MAGI2: variants seen among roughly 807,000 people sequenced by gnomAD.
MAGI2 encodes the protein membrane-associated guanylate kinase, WW and PDZ domain-containing protein 2.
MAGI2 carries 35 observed loss-of-function variants against 133.3 expected under a neutral mutation model. That is an observed-to-expected ratio of 0.26 (90% CI 0.20 to 0.35). The LOEUF (loss-of-function observed/expected upper bound fraction) is 0.35, where lower values mean the gene tolerates loss of function less well. Ranked by LOEUF, MAGI2 falls within the 10% of genes least tolerant of loss-of-function variation. The pLI, the probability that MAGI2 is intolerant of heterozygous loss-of-function variation, is 1.00. For synonymous variants in MAGI2, 729 were observed against 710.6 expected (o/e 1.03, Z -0.41); for missense variants, 1,636 against 1,863.4 (o/e 0.88, Z 2.25).
intron 2 of MAGI2, among the ~76,000 whole-genome samples, chr7:78,747,908 T>G (rs1229058536): frequency 6.6e-6 from 1 of 152,192 alleles, no homozygotes; most frequent in African/African-American, 2.4e-5. Flanking sequence ...GGAAACTACA[T>G]TTTATTACAT....
intron 21 of MAGI2, among the ~76,000 whole-genome samples, chr7:78,059,777 A>ATATTTTTT (rs368179491): frequency 0.017 from 2,529 of 146,060 alleles, 35 homozygotes; most frequent in Non-Finnish European, 0.021. Context: ...ATATATATAT[A>ATATTTTTT]TTTTTTTTCT....
intron 1 of MAGI2, among the ~76,000 whole-genome samples, chr7:79,037,230 TC>T (rs1353210690): frequency 6.6e-6 from 1 of 152,178 alleles, no homozygotes; most frequent in Non-Finnish European, 1.5e-5. Flanking sequence ...GAAAAAATGT[TC>T]CATGGTCAAA....
intron 1 of MAGI2, among the ~76,000 whole-genome samples, chr7:79,108,144 T>C (rs1818598296): frequency 6.6e-6 from 1 of 152,196 alleles, no homozygotes; most frequent in African/African-American, 2.4e-5. Context: ...GTGACCTTGG[T>C]GATTCTACCA....
chr7:79,224,684 T>C (rs1830697985), intron 1 of MAGI2, among the ~76,000 whole-genome samples: 1 of 150,884 alleles, frequency 6.6e-6, no homozygotes, highest in South Asian at 2.1e-4. Flanking sequence ...GTGACTCTCA[T>C]ATGCTTTACG....
intron 1 of MAGI2, among the ~76,000 whole-genome samples, chr7:79,429,888 G>A (rs956878144): frequency 6.6e-6 from 1 of 151,992 alleles, no homozygotes; most frequent in African/African-American, 2.4e-5. Context: ...ACAAGTTATA[G>A]TCAAGTTAAC....
chr7:79,177,265 T>C (rs1826184199), intron 1 of MAGI2: 1 of 151,170 alleles, frequency 6.6e-6, no homozygotes, highest in East Asian at 1.9e-4. Context: ...AAAATCACTA[T>C]TTAAAATTAA....
chr7:78,232,906 G>T (rs1450123690), intron 10 of MAGI2, among the ~76,000 whole-genome samples: 3 of 152,200 alleles, frequency 2.0e-5, no homozygotes, highest in Non-Finnish European at 4.4e-5. Context: ...CATGAAGGCA[G>T]AGGTTTTTAC....
In MAGI2 at chr7:78,132,696, C is replaced by T. The variant is rs2074646; in HGVS notation, c.3203+193G>A. On this transcript the variant is annotated intron_variant, in intron 18 of 21. Coordinates refer to ENST00000354212, the MANE Select transcript of MAGI2 (RefSeq NM_012301.4). ...GGAAAGCATCTCTCTTTGTGAAGGA[C>T]AGACACTCAGCTATCTTTACTAATA... 0.64 allele frequency among the ~76,000 whole-genome samples: 97,224 copies of T among 152,130 alleles called. 31,550 individuals are homozygous for T. The highest frequency in any genetic ancestry group is 0.76 in the African/African-American group (31,516 of 41,508).
At chr7:78,715,516 A>G (rs1020424099) in intron 2 of MAGI2, among the ~76,000 whole-genome samples, 3 of 152,204 alleles carry the variant, frequency 2.0e-5, no homozygotes, top group Admixed American at 6.5e-5. Flanking sequence ...TATAGATTTA[A>G]GTAATAACTC....
At chr7:79,393,912 A>T (rs1393196447) in intron 1 of MAGI2, among the ~76,000 whole-genome samples, 1 of 152,176 alleles carries the variant, frequency 6.6e-6, no homozygotes, top group Non-Finnish European at 1.5e-5. Context: ...AGAAAAACAG[A>T]GCCAGGTCTG....
At chr7:79,420,460 G>A (rs1037329752) in intron 1 of MAGI2, among the ~76,000 whole-genome samples, 2 of 151,806 alleles carry the variant, frequency 1.3e-5, no homozygotes, top group Non-Finnish European at 2.9e-5. Context: ...TAATTCTTAA[G>A]TGTATTTTGT....
chr7:78,051,769 A>C (rs577095886), intron 21 of MAGI2, among the ~76,000 whole-genome samples: 1 of 151,592 alleles, frequency 6.6e-6, no homozygotes, highest in African/African-American at 2.4e-5. Flanking sequence ...ATTTTTAGTA[A>C]AGATAGGATT....
Position 78,311,919 on chromosome 7 carries a change from C to T in MAGI2, c.1408+31859G>A, listed in dbSNP as rs556953749. On this transcript the variant is annotated intron_variant, in intron 9 of 21. Transcript: ENST00000354212. ...CCTAGTAGCTGGGATTACAGGTGCG[C>T]GCCACCACGCCTGGCTAATTTTTGT... is the stretch of plus-strand genomic sequence containing the variant. Among the ~76,000 whole-genome samples, 112 of 151,974 alleles carry T rather than the reference C, an allele frequency of 7.4e-4. 1 individual carries two copies. In the South Asian group the frequency reaches 0.01, roughly 14 times the overall value.
At chr7:78,887,472 C>T (rs1796357481) in intron 2 of MAGI2, among the ~76,000 whole-genome samples, 1 of 152,286 alleles carries the variant, frequency 6.6e-6, no homozygotes. Flanking sequence ...TCTGACAATG[C>T]TAAAGTTTGA....
chr7:78,154,241 A>G lies in MAGI2; in HGVS notation c.2845+5784T>C, dbSNP rs568363632. 4.6e-5 allele frequency among the ~76,000 whole-genome samples: 7 copies of G among 152,360 alleles called. No individual in the cohort carries two copies. The South Asian group carries it at 1.2e-3, about 27-fold the overall frequency. ...AACTCACCAGGGTGCTTTATCAAAG[A>G]TAACTAATTCCTTCCCTGAGCATCA... On this transcript the variant is annotated intron_variant, in intron 16 of 21. Transcript: ENST00000354212.
At chr7:79,057,559 G>A (rs1813263487) in intron 1 of MAGI2, among the ~76,000 whole-genome samples, 1 of 152,170 alleles carries the variant, frequency 6.6e-6, no homozygotes, top group Admixed American at 6.5e-5. Flanking sequence ...CCCTCAGGTT[G>A]TCTCAGCCTA....
intron 2 of MAGI2, among the ~76,000 whole-genome samples, chr7:78,671,155 T>C (rs1563331156): frequency 6.6e-6 from 1 of 152,134 alleles, no homozygotes; most frequent in African/African-American, 2.4e-5. Flanking sequence ...CTGTTATTAT[T>C]TCCAAATTTG....
intron 1 of MAGI2, among the ~76,000 whole-genome samples, chr7:79,386,280 GT>G (rs1474955950): frequency 6.6e-6 from 1 of 151,980 alleles, no homozygotes; most frequent in Admixed American, 6.6e-5. Flanking sequence ...ACAAATTAGT[GT>G]TGGGAAACTG....
chr7:79,400,631 GAT>G (rs1585846273), intron 1 of MAGI2, among the ~76,000 whole-genome samples: 1 of 152,118 alleles, frequency 6.6e-6, no homozygotes, highest in African/African-American at 2.4e-5. Flanking sequence ...CCCTTGTCAT[GAT>G]ATACATTGTA....
Sources: allele counts gnomAD v4.1 joint callset (sites outside exome capture counted in the v4.1 genomes callset), GRCh38; gene constraint gnomAD v4.1.1; transcripts MANE v1.5; gene names NCBI Gene and HGNC (gene_info 2026-07-23, HGNC 2026-07-21).